The following UST variants were observed in gnomAD, a reference collection of about 807,000 sequenced individuals.
The protein encoded by UST is uronyl 2-sulfotransferase.
UST carries 21 observed loss-of-function variants against 45.6 expected under a neutral mutation model. The ratio of observed to expected loss-of-function variants is 0.46; its 90% confidence interval spans 0.33 to 0.66. UST has a LOEUF of 0.66. Among genes scored for constraint, UST ranks in the 30% least tolerant of loss-of-function variants. The probability of loss-of-function intolerance (pLI) is 0.02; values close to 1 mark genes in which losing one functional copy is unlikely to be tolerated. For missense variants in UST, 463 were observed against 512.4 expected, an observed-to-expected ratio of 0.90 and a Z score of 0.93; for synonymous variants, 215 against 200.6, an observed-to-expected ratio of 1.07 and a Z score of -0.61.
At chr6:148,773,443 A>G (rs1051771867) in intron 1 of UST, among the ~76,000 whole-genome samples, 1 of 152,148 alleles carries the variant, frequency 6.6e-6, no homozygotes. Context: ...CCTGGGTGAC[A>G]AGAGCAAAAC....
chr6:148,903,135 CTTTTTTT>C (rs1779291776), intron 2 of UST, among the ~76,000 whole-genome samples: 1 of 151,192 alleles, frequency 6.6e-6, no homozygotes, highest in East Asian at 1.9e-4. Context: ...TTTCTTTTTC[CTTTTTTT>C]GATAGAGAAT....
chr6:148,951,034 G>T (rs1295398621), intron 3 of UST, among the ~76,000 whole-genome samples: 1 of 152,240 alleles, frequency 6.6e-6, no homozygotes, highest in Admixed American at 6.5e-5. Context: ...ACAAGGAGTA[G>T]CAGAAGAACA....
Position 148,747,512 on chromosome 6 carries a change from C to G in UST, c.82C>G (p.Leu28Val), listed in dbSNP as rs745417412. Residue 28 changes from leucine (L) to valine (V), a missense_variant, in exon 1 of 8, where the codon CTG (leucine) becomes GTG (valine). Physicochemically the swap from Leu to Val is conservative, Grantham distance 32 (BLOSUM62 1). Around this residue, in one of 2 missense-constraint regions of UST, gnomAD observed 176 missense variants for 138.3 expected, o/e 1.27. Transcript: ENST00000367463. Reference sequence around the variant, plus strand: ...CCCTATGGGGGGCGCCCCTCCGGGCCTGGGCAGCTGGAAGCGTCGGGTGCC... The same window carrying G: ...CCCTATGGGGGGCGCCCCTCCGGGCGTGGGCAGCTGGAAGCGTCGGGTGCC... The part of the protein sequence containing the change: ...GAPMGGAPPG[L>V]GSWKRRVPLL... 3 of 1,538,918 alleles carry G rather than the reference C, an allele frequency of 1.9e-6. No homozygotes were observed. The highest frequency in any genetic ancestry group is 2.6e-6 in the Non-Finnish European group (3 of 1,143,296).
chr6:148,799,522 C>T (rs1777016697), intron 1 of UST, among the ~76,000 whole-genome samples: 1 of 152,058 alleles, frequency 6.6e-6, no homozygotes, highest in Admixed American at 6.6e-5. Context: ...TCTCAGGGGT[C>T]CCTTCTTGTT....
At chr6:148,813,564 T>G (rs1323288382) in intron 1 of UST, among the ~76,000 whole-genome samples, 1 of 152,024 alleles carries the variant, frequency 6.6e-6, no homozygotes, top group Non-Finnish European at 1.5e-5. Context: ...GTATTTTTAG[T>G]AGAGATGGGG....
At chr6:148,899,092 C>CTTTTTTTT (rs3075093) in intron 2 of UST, among the ~76,000 whole-genome samples, 10 of 65,578 alleles carry the variant, frequency 1.5e-4, no homozygotes, top group African/African-American at 5.3e-4. Context: ...CTACCTAATC[C>CTTTTTTTT]TTTTTTTTTT....
intron 5 of UST, among the ~76,000 whole-genome samples, chr6:148,977,494 G>A (rs1330573142): frequency 1.3e-5 from 2 of 152,068 alleles, no homozygotes; most frequent in Non-Finnish European, 2.9e-5. Flanking sequence ...GCTCACGCCT[G>A]TAATCCCGGC....
intron 5 of UST, among the ~76,000 whole-genome samples, chr6:148,981,022 G>A (rs980905996): frequency 6.6e-6 from 1 of 152,116 alleles, no homozygotes; most frequent in African/African-American, 2.4e-5. Context: ...ACCACACCTG[G>A]CCGGAAAGAC....
chr6:148,868,731 C>A (rs753296400), intron 1 of UST, among the ~76,000 whole-genome samples: 1 of 152,130 alleles, frequency 6.6e-6, no homozygotes, highest in Non-Finnish European at 1.5e-5. Flanking sequence ...ATAACCCCCC[C>A]ATCATAAATC....
intron 5 of UST, among the ~76,000 whole-genome samples, chr6:149,014,567 G>A (rs751630144): frequency 6.6e-6 from 1 of 152,186 alleles, no homozygotes; most frequent in Non-Finnish European, 1.5e-5. Flanking sequence ...GGCCAGCATG[G>A]AAGGAAGCCC....
At chr6:148,870,439 T>C (rs1778528522) in intron 1 of UST, among the ~76,000 whole-genome samples, 1 of 152,218 alleles carries the variant, frequency 6.6e-6, no homozygotes, top group African/African-American at 2.4e-5. Flanking sequence ...TGAATGAGAC[T>C]ACCTCTTCTG....
chr6:149,006,925 A>G (rs1173410443), intron 5 of UST, among the ~76,000 whole-genome samples: 1 of 152,036 alleles, frequency 6.6e-6, no homozygotes, highest in African/African-American at 2.4e-5. Context: ...TGTTATGCTC[A>G]TTTATTATCT....
At chr6:148,923,012 C>G (rs1779746056) in intron 2 of UST, among the ~76,000 whole-genome samples, 1 of 151,952 alleles carries the variant, frequency 6.6e-6, no homozygotes, top group African/African-American at 2.4e-5. Context: ...AGGCTGGTCT[C>G]AAACTCTTGG....
intron 7 of UST, among the ~76,000 whole-genome samples, chr6:149,033,246 C>T (rs1395941934): frequency 1.3e-5 from 2 of 152,196 alleles, no homozygotes; most frequent in African/African-American, 4.8e-5. Context: ...TGGCTCGTGG[C>T]CTTAGCTCTC....
chr6:148,955,957 C>A (rs772814008), intron 4 of UST: 1 of 152,036 alleles, frequency 6.6e-6, no homozygotes, highest in Non-Finnish European at 1.5e-5. Context: ...CCAACAAACA[C>A]GTGTACAGGA....
At chr6:148,767,624 G>T (rs1243373875) in intron 1 of UST, among the ~76,000 whole-genome samples, 1 of 152,086 alleles carries the variant, frequency 6.6e-6, no homozygotes. Flanking sequence ...ATAATTGGAT[G>T]CACATAGAGT....
intron 5 of UST, among the ~76,000 whole-genome samples, chr6:149,010,222 G>C (rs1333056411): frequency 6.6e-6 from 1 of 152,146 alleles, no homozygotes; most frequent in East Asian, 1.9e-4. Flanking sequence ...TATAGAAATA[G>C]AAGCAACCAG....
chr6:148,765,445 C>T (rs542909507), intron 1 of UST, among the ~76,000 whole-genome samples: 4 of 152,266 alleles, frequency 2.6e-5, no homozygotes, highest in South Asian at 4.1e-4. Context: ...TTTGACTATT[C>T]AGGGTCTTTT....
intron 5 of UST, among the ~76,000 whole-genome samples, chr6:148,998,875 C>T (rs935177393): frequency 1.3e-5 from 2 of 152,228 alleles, no homozygotes; most frequent in African/African-American, 2.4e-5. Context: ...GTGGCTGGTG[C>T]ATGCCTGGTT....
Sources: allele counts gnomAD v4.1 joint callset (sites outside exome capture counted in the v4.1 genomes callset), GRCh38; gene constraint gnomAD v4.1.1; regional missense constraint gnomAD v4.1.1; transcripts MANE v1.5; gene names NCBI Gene and HGNC (gene_info 2026-07-23, HGNC 2026-07-21).